NSUN6: variants seen among roughly 807,000 people sequenced by gnomAD.
NSUN6 encodes the protein tRNA (cytosine(72)-C(5))-methyltransferase NSUN6.
A neutral mutation model predicts 58.0 loss-of-function variants in NSUN6; 64 were observed. The ratio of observed to expected loss-of-function variants is 1.10; its 90% CI spans 0.90 to 1.36. The LOEUF is 1.36. NSUN6 is among the 40% of genes most tolerant of loss of function. The pLI, the probability that NSUN6 is intolerant of heterozygous loss-of-function variation, is 0.00. For synonymous variants in NSUN6, 231 were observed against 193.9 expected, an observed-to-expected ratio of 1.19 and a Z score of -1.59; for missense variants, 701 against 550.1, an observed-to-expected ratio of 1.27 and a Z score of -2.74.
At chr10:18,649,577 G>A (rs991447085) in intron 1 of NSUN6, among the ~76,000 whole-genome samples, 3 of 150,088 alleles carry the variant, frequency 2.0e-5, no homozygotes, top group East Asian at 3.9e-4. Context: ...GCAGTGAGCT[G>A]TGATCATGTC....
rs578225699 is a variant in NSUN6, at chr10:18,648,552, C to T, written c.169G>A (p.Val57Met). 13 of 1,606,980 alleles carry T rather than the reference C, an allele frequency of 8.1e-6. No homozygotes were observed. The African/African-American group carries it at 1.2e-4, about 15-fold the overall frequency. ...TGTACTGAGGCTAAATGTGTATTCA[C>T]TCTGACAGTTGTAAATGATGGAGGA... The part of the protein sequence containing the change: ...SHPPSFTTVR[V>M]NTHLASVQHV... The change falls in exon 2 of 11, where the codon GTG becomes ATG. Residue 57 changes from valine (V) to methionine (M), a missense_variant. Transcript: ENST00000377304.
At chr10:18,602,478 C>T (rs939557377) in intron 6 of NSUN6, among the ~76,000 whole-genome samples, 2 of 152,242 alleles carry the variant, frequency 1.3e-5, no homozygotes, top group Admixed American at 1.3e-4. Context: ...TCGTGATCCG[C>T]CCACCTTGGC....
At chr10:18,580,242 A>G (rs1011869731) in intron 8 of NSUN6, among the ~76,000 whole-genome samples, 1 of 152,202 alleles carries the variant, frequency 6.6e-6, no homozygotes, top group Non-Finnish European at 1.5e-5. Flanking sequence ...CCACAGCTTA[A>G]TAAGAACAGT....
chr10:18,619,405 T>C (rs1216090277), intron 3 of NSUN6, among the ~76,000 whole-genome samples: 1 of 152,224 alleles, frequency 6.6e-6, no homozygotes, highest in Non-Finnish European at 1.5e-5. Flanking sequence ...TGCCTTGTAA[T>C]GACTACTGGG....
rs1460796297 is a variant in NSUN6 at position 18,571,961 on chromosome 10, C to A, written c.922+13988G>T. Reference sequence around the variant, plus strand: ...TCTCCATTCCATTCCATTTTCTATTCCACTCCATTCACCACTGCATTCCAT... The same window carrying A: ...TCTCCATTCCATTCCATTTTCTATTACACTCCATTCACCACTGCATTCCAT... On this transcript the variant is annotated intron_variant, in intron 8 of 10. Coordinates refer to ENST00000377304, the MANE Select transcript of NSUN6 (RefSeq NM_182543.5). Among the ~76,000 whole-genome samples the A allele has an allele frequency of 2.6e-5, 4 of 151,412 alleles. 1 individual carries two copies. The highest frequency in any genetic ancestry group is 5.9e-5 in the Non-Finnish European group (4 of 67,736).
At chr10:18,646,604 G>A (rs2059553869) in intron 2 of NSUN6, among the ~76,000 whole-genome samples, 2 of 152,158 alleles carry the variant, frequency 1.3e-5, no homozygotes, top group South Asian at 4.1e-4. Flanking sequence ...CAGCAGTTTG[G>A]GAGGCCAAGG....
At chr10:18,625,694 C>CA (rs1246074750) in intron 3 of NSUN6, among the ~76,000 whole-genome samples, 1 of 107,384 alleles carries the variant, frequency 9.3e-6, no homozygotes, top group African/African-American at 3.7e-5. Context: ...GCCTGGGTGA[C>CA]AGAGTGAGAC....
At chr10:18,561,131 G>C (rs570826932) in intron 8 of NSUN6, among the ~76,000 whole-genome samples, 1 of 124,808 alleles carries the variant, frequency 8.0e-6, no homozygotes, top group Admixed American at 8.1e-5. Flanking sequence ...GAATGCAATG[G>C]AGAATGGAAT....
upstream of NSUN6, chr10:18,651,617 G>A: frequency 2.0e-5 from 20 of 986,518 alleles, no homozygotes; most frequent in Non-Finnish European, 2.4e-5. Flanking sequence ...CCTATTTCTC[G>A]GCGGAAAGTC....
upstream of NSUN6, chr10:18,651,681 C>CCCCCAATCCACAGCCGCAAGTTT (rs2059711505): frequency 4.1e-6 from 4 of 985,738 alleles, no homozygotes; most frequent in Non-Finnish European, 4.8e-6. Context: ...CCTTTCCGGT[C>CCCCCAATCCACAGCCGCAAGTTT]CCCCAATCCA....
intron 6 of NSUN6, among the ~76,000 whole-genome samples, chr10:18,597,275 A>G (rs1399143712): frequency 6.6e-6 from 1 of 152,176 alleles, no homozygotes; most frequent in African/African-American, 2.4e-5. Context: ...AAAATAACTC[A>G]TTTCTAAAAT....
intron 5 of NSUN6, among the ~76,000 whole-genome samples, chr10:18,613,888 G>C (rs2058321484): frequency 6.6e-6 from 1 of 152,028 alleles, no homozygotes; most frequent in Non-Finnish European, 1.5e-5. Flanking sequence ...CAAAAAGCCT[G>C]AAAAAACTAA....
chr10:18,641,725 G>T (rs1389787444), intron 3 of NSUN6, among the ~76,000 whole-genome samples: 1 of 152,010 alleles, frequency 6.6e-6, no homozygotes, highest in Non-Finnish European at 1.5e-5. Flanking sequence ...ACGTAAACGC[G>T]CAGAACATAA....
At chr10:18,645,157 CAAAAAAA>C (rs71402191) in intron 2 of NSUN6, among the ~76,000 whole-genome samples, 6 of 106,304 alleles carry the variant, frequency 5.6e-5, no homozygotes, top group Admixed American at 9.9e-5. Context: ...GACTCCCTCT[CAAAAAAA>C]AAAAAAAAAA....
intron 3 of NSUN6, among the ~76,000 whole-genome samples, 179 bp from the exon 4 acceptor site, chr10:18,616,472 T>C (rs1287969592): frequency 6.6e-6 from 1 of 152,128 alleles, no homozygotes; most frequent in Non-Finnish European, 1.5e-5. Flanking sequence ...AACACGAAGA[T>C]GGGCACTTGA....
At position 18,651,285 on chromosome 10, in the gene NSUN6, G is replaced by A. The variant is rs2059698728; in HGVS notation, c.-82C>T. ...TTTTTTTTCTTTCCGAATTAATAGT[G>A]ACGAGTGTCTTGACACCAGATGCTG... On this transcript the variant is annotated 5_prime_UTR_variant, in exon 1 of 11. Coordinates refer to ENST00000377304, the MANE Select transcript of NSUN6 (RefSeq NM_182543.5). The A allele has an allele frequency of 6.8e-7, 1 of 1,466,204 alleles. No individual in the cohort carries two copies. The highest frequency in any genetic ancestry group is 2.5e-5 in the East Asian group (1 of 39,720). 90.8% of individuals were successfully genotyped at this position (1,466,204 alleles called of 1,614,324 possible). A position where few individuals can be genotyped will look rare whatever the true frequency, so the allele number is the denominator to read the frequency against.
At chr10:18,550,362 G>A (rs560837783) in intron 9 of NSUN6, among the ~76,000 whole-genome samples, 1 of 152,280 alleles carries the variant, frequency 6.6e-6, no homozygotes, top group South Asian at 2.1e-4. Context: ...TGCTACCTTT[G>A]TATATGAAAG....
intron 3 of NSUN6, among the ~76,000 whole-genome samples, chr10:18,623,887 C>T (rs958372502): frequency 5.9e-5 from 9 of 152,126 alleles, no homozygotes; most frequent in African/African-American, 2.2e-4. Context: ...ATTTGCAGTA[C>T]TTCCCAGAAA....
Position 18,648,574 on chromosome 10 carries a change from A to AG in NSUN6, c.146dup (p.Pro50SerfsTer24), listed in dbSNP as rs1192961754. The stretch of plus-strand genomic sequence containing the variant: ...TCACTCTGACAGTTGTAAATGATGG[A>AG]GGATGTGACAGGTGCTTTAACAAAG... On this transcript the variant is annotated frameshift_variant, in exon 2 of 11. Transcript: ENST00000377304. LOFTEE classifies it high-confidence loss of function. 6.2e-7 allele frequency: 1 copy of AG among 1,603,022 alleles called. No individual in the cohort carries two copies. Among genetic ancestry groups the AG allele is most frequent in the African/African-American group, 1.3e-5 (1 of 74,716 alleles).
Sources: gnomAD v4.1 joint callset for allele counts (sites outside exome capture counted in the v4.1 genomes callset) on GRCh38, gnomAD v4.1.1 for gene constraint, MANE v1.5 for transcripts, NCBI Gene and HGNC (gene_info 2026-07-23, HGNC 2026-07-21) for gene names.